The following USP4 variants were observed in gnomAD, a reference collection of about 807,000 sequenced individuals.
USP4 encodes the protein ubiquitin specific peptidase 4.
USP4 carries 72 observed loss-of-function variants against 118.2 expected under a neutral mutation model. That is an observed-to-expected ratio of 0.61 (90% CI 0.50 to 0.74). The LOEUF is 0.74. Among genes scored for constraint, USP4 ranks in the 30% least tolerant of loss-of-function variants. The pLI, the probability that USP4 is intolerant of heterozygous loss-of-function variation, is 0.00. For synonymous variants in USP4, 415 were observed against 440.4 expected (o/e 0.94, Z 0.72); for missense variants, 1,037 against 1,185.7 (o/e 0.87, Z 1.84).
At chr3:49,331,192 C>T (rs928255804) in intron 2 of USP4, among the ~76,000 whole-genome samples, 1 of 151,726 alleles carries the variant, frequency 6.6e-6, no homozygotes, top group Non-Finnish European at 1.5e-5. Context: ...TGGTGGCGCA[C>T]GCCTATAATC....
At chr3:49,303,870 G>A (rs1046390789) in intron 9 of USP4, among the ~76,000 whole-genome samples, 3 of 151,932 alleles carry the variant, frequency 2.0e-5, no homozygotes, top group Non-Finnish European at 4.4e-5. Context: ...CTCATGCCTT[G>A]GCCTCCCGAG....
chr3:49,286,057 G>C (rs779929164), intron 16 of USP4, 41 bp downstream of exon 16: 5 of 1,586,178 alleles, frequency 3.2e-6, no homozygotes, highest in Non-Finnish European at 4.3e-6. Flanking sequence ...CAGATCCTAA[G>C]ACCCTAAAGC....
intron 6 of USP4, chr3:49,312,231 G>A: frequency 3.9e-6 from 1 of 253,556 alleles, no homozygotes; most frequent in East Asian, 1.2e-4. Context: ...GGCCGAGGCT[G>A]GCGGATCATG....
intron 10 of USP4, among the ~76,000 whole-genome samples, chr3:49,301,150 A>G (rs1238257296): frequency 6.6e-6 from 1 of 152,014 alleles, no homozygotes; most frequent in Non-Finnish European, 1.5e-5. Context: ...TATGTTGACC[A>G]GACAGTTCTA....
At chr3:49,325,584 T>C (rs1479779347) in intron 4 of USP4, 135 bp downstream of exon 4, 3 of 1,331,302 alleles carry the variant, frequency 2.3e-6, no homozygotes, top group Non-Finnish European at 3.1e-6. Flanking sequence ...AGGTCAGGAC[T>C]GGCAACTACA....
intron 6 of USP4, among the ~76,000 whole-genome samples, chr3:49,316,520 T>C (rs1365838762): frequency 6.6e-6 from 1 of 152,122 alleles, no homozygotes. Context: ...GGTTTTACCA[T>C]GTTGGCCAGG....
rs1206327611 is a variant in USP4 at position 49,280,786 on chromosome 3, T to C, written c.2602A>G (p.Ile868Val). ...LSARPYVYDL[I>V]AVSNHYGAMG... Reference sequence around the variant, plus strand: ...GCTCCATAATGATTGGACACGGCAATGAGGTCGTACACATAAGGCCTTGCT... The same window carrying C: ...GCTCCATAATGATTGGACACGGCAACGAGGTCGTACACATAAGGCCTTGCT... The change falls in exon 20 of 22, where the codon ATT becomes GTT. Residue 868 changes from isoleucine to valine, a missense_variant. Physicochemically the swap from Ile to Val is conservative, Grantham distance 29 (BLOSUM62 3). This residue lies in a region of USP4 where 522 missense variants were observed against 592.6 expected (regional missense o/e 0.88). Transcript: ENST00000265560. 8 of 1,614,014 alleles carry C rather than the reference T, an allele frequency of 5.0e-6. No homozygotes were observed. Among genetic ancestry groups the C allele is most frequent in the Non-Finnish European group, 6.8e-6 (8 of 1,180,032 alleles).
intron 6 of USP4, among the ~76,000 whole-genome samples, chr3:49,321,163 C>T (rs993063964): frequency 3.3e-5 from 5 of 152,184 alleles, no homozygotes; most frequent in Admixed American, 1.3e-4. Context: ...TTGCTTAATA[C>T]GCTAATTTGC....
At chr3:49,301,228 C>A (rs571834356) in intron 10 of USP4, among the ~76,000 whole-genome samples, 1 of 152,236 alleles carries the variant, frequency 6.6e-6, no homozygotes, top group Non-Finnish European at 1.5e-5. Flanking sequence ...GGGAAAGCCA[C>A]TGCGCCTCGC....
chr3:49,338,241 T>C (rs2047692631), intron 1 of USP4, among the ~76,000 whole-genome samples: 2 of 152,068 alleles, frequency 1.3e-5, no homozygotes. Flanking sequence ...TAAAATGCTA[T>C]TTTTCTTCCA....
chr3:49,334,745 G>A (rs2047652255), intron 2 of USP4, among the ~76,000 whole-genome samples: 1 of 152,088 alleles, frequency 6.6e-6, no homozygotes, highest in Non-Finnish European at 1.5e-5. Context: ...TCGAACTCCT[G>A]ACCTCAGGTG....
chr3:49,309,619 CTTTTTTTT>C (rs35128646), intron 8 of USP4, among the ~76,000 whole-genome samples: 7 of 79,360 alleles, frequency 8.8e-5, no homozygotes, highest in Admixed American at 7.5e-4. Context: ...GGCGGGACAG[CTTTTTTTT>C]TTTTTTTTTT....
Position 49,286,118 on chromosome 3 carries a change from C to T in USP4, c.2180G>A (p.Gly727Glu), listed in dbSNP as rs1309458161. The change falls in exon 16 of 22, where the codon GGA (glycine) becomes GAA (glutamate). Residue 727 changes from glycine to glutamate, a missense_variant. By Grantham distance (98) the Gly-to-Glu change is moderately conservative (BLOSUM62 -2). This residue lies in a region of USP4 where 522 missense variants were observed against 592.6 expected (regional missense o/e 0.88). Coordinates refer to ENST00000265560, the MANE Select transcript of USP4 (RefSeq NM_003363.4). ...TADINSLAAD[G>E]KLLKLNSRST... The stretch of plus-strand genomic sequence containing the variant: ...CTTACAGTTGAGTTTAAGTAGTTTT[C>T]CATCAGCTGCAAGTGAATTTATGTC... The T allele has an allele frequency of 1.9e-6, 3 of 1,614,188 alleles. No homozygotes were observed. The South Asian group carries it at 3.3e-5, about 18-fold the overall frequency.
chr3:49,303,980 T>C (rs2107782141), intron 9 of USP4, among the ~76,000 whole-genome samples: 1 of 152,200 alleles, frequency 6.6e-6, no homozygotes. Flanking sequence ...CTTGAACTCC[T>C]GACCTCAAGT....
chr3:49,278,188 C>G lies in USP4; in HGVS notation c.*105G>C. 7.8e-7 allele frequency: 1 copy of G among 1,274,972 alleles called. No homozygotes were observed. The highest frequency in any genetic ancestry group is 1.0e-6 in the Non-Finnish European group (1 of 961,330). The allele number at this position is 1,274,972 out of a possible 1,614,324, so 79.0% of individuals were successfully genotyped here. A position where few individuals can be genotyped will look rare whatever the true frequency, so the allele number is the denominator to read the frequency against. ...TCTGCTCATAAAAGAAGGGTATTTC[C>G]TTGTCTGGTTTTTAGACAGAACACT... On this transcript the variant is annotated 3_prime_UTR_variant, in exon 22 of 22. Coordinates refer to ENST00000265560, the MANE Select transcript of USP4 (RefSeq NM_003363.4).
Position 49,284,068 on chromosome 3 carries a change from A to G in USP4, c.2459T>C (p.Ile820Thr). The G allele has an allele frequency of 6.2e-7, 1 of 1,614,260 alleles. No individual in the cohort carries two copies. The highest frequency in any genetic ancestry group is 8.5e-7 in the Non-Finnish European group (1 of 1,180,052). The change falls in exon 19 of 22, where the codon ATC becomes ACC. Residue 820 changes from isoleucine to threonine, a missense_variant. This residue lies in a region of USP4 where 522 missense variants were observed against 592.6 expected (regional missense o/e 0.88). Coordinates refer to ENST00000265560, the MANE Select transcript of USP4 (RefSeq NM_003363.4). ...GAAACGTTTGAGGTGGACCACCAGG[A>G]TCTTGGGCAAGGACCATAGGTCAAA... ...KKFDLWSLPK[I>T]LVVHLKRFSY...
intron 3 of USP4, among the ~76,000 whole-genome samples, chr3:49,326,226 G>T (rs186111148): frequency 7.2e-5 from 11 of 151,990 alleles, no homozygotes; most frequent in Middle Eastern, 3.4e-3. Flanking sequence ...CTGAGACAGG[G>T]GAATCGCTTG....
chr3:49,278,936 C>T, intron 20 of USP4, 34 bp from the exon 21 acceptor site: 1 of 1,470,882 alleles, frequency 6.8e-7, no homozygotes, highest in Middle Eastern at 1.7e-4. Flanking sequence ...CTCTAGCGGT[C>T]TCCAGAGAAT....
intron 2 of USP4, among the ~76,000 whole-genome samples, chr3:49,328,108 T>TCC (rs142827970): frequency 0.035 from 5,317 of 152,140 alleles, 311 homozygotes; most frequent in African/African-American, 0.12. Flanking sequence ...ACACCTGTAA[T>TCC]CAGCACTTTC....
Sources: gnomAD v4.1 joint callset for allele counts (sites outside exome capture counted in the v4.1 genomes callset) on GRCh38, gnomAD v4.1.1 for gene constraint, gnomAD v4.1.1 regional missense constraint, MANE v1.5 for transcripts, NCBI Gene and HGNC (gene_info 2026-07-23, HGNC 2026-07-21) for gene names.